ITGA1: variants seen among roughly 807,000 people sequenced by gnomAD.
ITGA1 encodes integrin alpha-1.
ITGA1 carries 85 observed loss-of-function variants against 145.9 expected under a neutral mutation model. The ratio of observed to expected loss-of-function variants is 0.58; its 90% CI spans 0.49 to 0.70. The LOEUF (loss-of-function observed/expected upper bound fraction) is 0.70. ITGA1 is among the 30% of genes least tolerant of loss of function. The probability of loss-of-function intolerance (pLI) is 0.00; values close to 1 mark genes in which losing one functional copy is unlikely to be tolerated. For synonymous variants in ITGA1, 520 were observed against 495.3 expected, an observed-to-expected ratio of 1.05 and a Z score of -0.66; for missense variants, 1,351 against 1,418.7, an observed-to-expected ratio of 0.95 and a Z score of 0.77.
Position 52,937,470 on chromosome 5 carries a change from A to G in ITGA1, c.3034A>G (p.Asn1012Asp). 1.2e-6 allele frequency: 2 copies of G among 1,613,580 alleles called. No individual in the cohort carries two copies. Among genetic ancestry groups the G allele is most frequent in the South Asian group, 2.2e-5 (2 of 91,054 alleles). The change falls in exon 24 of 29, where the codon AAT becomes GAT. Residue 1012 changes from asparagine (N) to aspartate (D), a missense_variant. Physicochemically the swap from Asn to Asp is conservative, Grantham distance 23. Transcript: ENST00000282588. ...LSISFPNMTS[N>D]GYPVLYPTGL... ...AATTTCATTCCCCAATATGACATCA[A>G]ATGGTTACCCTGTGCTGTACCCAAC...
At position 52,937,410 on chromosome 5, in the gene ITGA1, A is replaced by G. The variant is rs1323985966; in HGVS notation, c.2974A>G (p.Ser992Gly). Residue 992 changes from serine (S) to glycine (G), a missense_variant, in exon 24 of 29, where the codon AGT (serine) becomes GGT (glycine). Coordinates refer to ENST00000282588, the MANE Select transcript of ITGA1 (RefSeq NM_181501.2). ...CATTTTTTTCTTGTAGATTAGAAAA[A>G]GTGGATCTTTTCCAATGCCAGAGCT... ...EINIFYLIRK[S>G]GSFPMPELKL... 1 of 1,607,088 alleles carries G rather than the reference A, an allele frequency of 6.2e-7. No individual in the cohort carries two copies. The highest frequency in any genetic ancestry group is 2.2e-5 in the East Asian group (1 of 44,808).
intron 22 of ITGA1, chr5:52,933,689 C>T (rs1750923705): frequency 3.4e-6 from 1 of 297,408 alleles, no homozygotes; most frequent in Non-Finnish European, 6.2e-6. Context: ...AAATAAGCAT[C>T]AGTGACTATT....
At chr5:52,840,652 G>C (rs146310813) in intron 1 of ITGA1, among the ~76,000 whole-genome samples, 59 of 152,168 alleles carry the variant, frequency 3.9e-4, no homozygotes, top group Non-Finnish European at 4.0e-4. Context: ...GATGTCTGTA[G>C]ATACTACAAA....
intron 2 of ITGA1, among the ~76,000 whole-genome samples, chr5:52,854,720 C>T (rs917704359): frequency 6.6e-6 from 1 of 152,152 alleles, no homozygotes; most frequent in African/African-American, 2.4e-5. Flanking sequence ...GAAACAGAGA[C>T]ATCAGACACC....
Position 52,954,046 on chromosome 5 carries a change from A to G in ITGA1, c.*1595A>G, listed in dbSNP as rs1174963731. On this transcript the variant is annotated 3_prime_UTR_variant, in exon 29 of 29. Transcript: ENST00000282588. ...TCCGCATCTAAGATCCTGAAGGCCA[A>G]AGGAATGCGCCTGTGGGATGCCAAA... The G allele has an allele frequency of 6.6e-6, 1 of 152,214 alleles. No individual in the cohort carries two copies. Among genetic ancestry groups the G allele is most frequent in the Non-Finnish European group, 1.5e-5 (1 of 68,050 alleles). The allele number at this position is 152,214 out of a possible 1,614,324, so 9.4% of individuals were successfully genotyped here. A position where few individuals can be genotyped will look rare whatever the true frequency, so the allele number is the denominator to read the frequency against.
At chr5:52,840,166 A>G (rs186203121) in intron 1 of ITGA1, among the ~76,000 whole-genome samples, 20 of 152,370 alleles carry the variant, frequency 1.3e-4, no homozygotes, top group Admixed American at 1.0e-3. Flanking sequence ...AAAAAGTTAT[A>G]AGTAAATGAA....
chr5:52,796,515 C>T (rs1748346503), intron 1 of ITGA1, among the ~76,000 whole-genome samples: 1 of 151,934 alleles, frequency 6.6e-6, no homozygotes, highest in Non-Finnish European at 1.5e-5. Flanking sequence ...ATACTTTGCT[C>T]ATTTGGAAAA....
chr5:52,814,024 A>G (rs1285810080), intron 1 of ITGA1, among the ~76,000 whole-genome samples: 3 of 152,210 alleles, frequency 2.0e-5, no homozygotes, highest in Non-Finnish European at 4.4e-5. Flanking sequence ...AACAATGGTC[A>G]TGCTGAGCCT....
Position 52,909,029 on chromosome 5 carries a change from T to C in ITGA1, c.1587T>C (p.Tyr529=), listed in dbSNP as rs1194489122. 1 of 1,613,656 alleles carries C rather than the reference T, an allele frequency of 6.2e-7. No individual in the cohort carries two copies. The highest frequency in any genetic ancestry group is 8.5e-7 in the Non-Finnish European group (1 of 1,179,770). ...EKEEQGKVYV[Y]ALNQTRFEYQ... is the part of the protein sequence containing the mutation. ...AGGAGCAAGGAAAAGTGTATGTGTA[T>C]GCTCTCAATCAGGTAATGGTGTCTG... The change falls in exon 13 of 29, where the codon TAT becomes TAC. Residue 529 remains tyrosine, a synonymous_variant. Coordinates refer to ENST00000282588, the MANE Select transcript of ITGA1 (RefSeq NM_181501.2).
At chr5:52,838,050 A>T (rs1182619133) in intron 1 of ITGA1, among the ~76,000 whole-genome samples, 1 of 152,220 alleles carries the variant, frequency 6.6e-6, no homozygotes, top group Non-Finnish European at 1.5e-5. Flanking sequence ...TTTTCAGGTG[A>T]ATAACAAGTT....
intron 2 of ITGA1, among the ~76,000 whole-genome samples, chr5:52,857,958 A>G (rs1749542269): frequency 6.6e-6 from 1 of 152,126 alleles, no homozygotes; most frequent in South Asian, 2.1e-4. Context: ...CAAAAAACTT[A>G]CCTGAACCAA....
At chr5:52,840,494 G>A (rs895381726) in intron 1 of ITGA1, among the ~76,000 whole-genome samples, 1 of 152,150 alleles carries the variant, frequency 6.6e-6, no homozygotes, top group Non-Finnish European at 1.5e-5. Flanking sequence ...TTTTTATTTG[G>A]TGAAACATAG....
At chr5:52,832,243 AGAGTTC>A (rs1186753625) in intron 1 of ITGA1, among the ~76,000 whole-genome samples, 2 of 152,082 alleles carry the variant, frequency 1.3e-5, no homozygotes. Context: ...CTGAGATTAG[AGAGTTC>A]ATACTCTGAT....
chr5:52,953,566 AG>A lies in ITGA1; in HGVS notation c.*1117del, dbSNP rs1751261576. On this transcript the variant is annotated 3_prime_UTR_variant, in exon 29 of 29. Transcript: ENST00000282588. ...TTTTACCAAGAAGTCACTGCTTTTT[AG>A]GTGTGTTGCATCAATATTTAAATAA... 1 of 152,220 alleles carries A rather than the reference AG, an allele frequency of 6.6e-6. No individual in the cohort carries two copies. The highest frequency in any genetic ancestry group is 1.9e-4 in the East Asian group (1 of 5,198). 9.4% of individuals were successfully genotyped at this position (152,220 alleles called of 1,614,324 possible).
At chr5:52,885,072 A>G (rs1331120018) in intron 7 of ITGA1, among the ~76,000 whole-genome samples, 5 of 152,218 alleles carry the variant, frequency 3.3e-5, no homozygotes, top group Admixed American at 1.3e-4. Flanking sequence ...TTATTATAAA[A>G]GGATACAACT....
At position 52,899,045 on chromosome 5, in the gene ITGA1, C is replaced by G. The variant is rs557026208; in HGVS notation, c.1309+662C>G. Among the ~76,000 whole-genome samples the G allele has an allele frequency of 2.6e-5, 4 of 152,232 alleles. No homozygotes were observed. In the South Asian group the frequency reaches 6.2e-4, roughly 24 times the overall value. ...TCCCCTCACTGAAAAAAGATATTCA[C>G]CAACAGTTGGGAGGACCTAAAATAA... On this transcript the variant is annotated intron_variant, in intron 11 of 28. Coordinates refer to ENST00000282588, the MANE Select transcript of ITGA1 (RefSeq NM_181501.2).
chr5:52,904,795 G>A (rs1750371863), intron 11 of ITGA1: 1 of 151,024 alleles, frequency 6.6e-6, no homozygotes, highest in Admixed American at 6.6e-5. Flanking sequence ...GGAGCTTGCA[G>A]TGAGCCGAGA....
rs750733402 is a variant in ITGA1, at chr5:52,932,044, T to C, written c.2772-3T>C. 12 of 1,567,306 alleles carry C rather than the reference T, an allele frequency of 7.7e-6. No homozygotes were observed. Among genetic ancestry groups the C allele is most frequent in the Non-Finnish European group, 1.1e-5 (12 of 1,138,196 alleles). Reference sequence around the variant, plus strand: ...TTGTCTGAATGTGCCGTGTATTTTCTAGTGACAGCGAAGAACCTCCTGAAA... The same window carrying C: ...TTGTCTGAATGTGCCGTGTATTTTCCAGTGACAGCGAAGAACCTCCTGAAA... On this transcript the variant is annotated splice_region_variant and splice_polypyrimidine_tract_variant and intron_variant, in intron 21 of 28. Coordinates refer to ENST00000282588, the MANE Select transcript of ITGA1 (RefSeq NM_181501.2).
intron 1 of ITGA1, among the ~76,000 whole-genome samples, chr5:52,812,789 CTTTTTTTTTTTTTT>C (rs61600951): frequency 3.5e-5 from 3 of 86,114 alleles, no homozygotes; most frequent in Admixed American, 1.4e-4. Flanking sequence ...CTTCTTATCG[CTTTTTTTTTTTTTT>C]TTTTTTTTTT....
Sources: allele counts gnomAD v4.1 joint callset (sites outside exome capture counted in the v4.1 genomes callset), GRCh38; gene constraint gnomAD v4.1.1; transcripts MANE v1.5; gene names NCBI Gene and HGNC (gene_info 2026-07-23, HGNC 2026-07-21).